The following ZBTB20 variants were observed in gnomAD, a reference collection of about 807,000 sequenced individuals.
ZBTB20 encodes the protein zinc finger and BTB domain containing 20, also known as zinc finger and BTB domain-containing protein 20.
ZBTB20 carries 9 observed loss-of-function variants against 56.9 expected under a neutral mutation model. The ratio of observed to expected loss-of-function variants is 0.16; its 90% CI spans 0.10 to 0.28. The LOEUF (loss-of-function observed/expected upper bound fraction) is 0.28, where lower values mean the gene tolerates loss of function less well. Among genes scored for constraint, ZBTB20 ranks in the 10% least tolerant of loss-of-function variants. The pLI is 1.00. For missense variants in ZBTB20, 655 were observed against 1,003.0 expected, an observed-to-expected ratio of 0.65 and a Z score of 4.69; for synonymous variants, 417 against 420.7, an observed-to-expected ratio of 0.99 and a Z score of 0.11.
intron 5 of ZBTB20, among the ~76,000 whole-genome samples, chr3:114,767,511 G>A (rs1400995560): frequency 3.3e-5 from 5 of 151,622 alleles, no homozygotes; most frequent in Non-Finnish European, 7.4e-5. Flanking sequence ...GAAAAAGGAA[G>A]AAGGAGAGAT....
At chr3:114,811,667 C>A (rs1253754110) in intron 4 of ZBTB20, among the ~76,000 whole-genome samples, 2 of 152,172 alleles carry the variant, frequency 1.3e-5, no homozygotes, top group African/African-American at 4.8e-5. Context: ...AAAGTATTCA[C>A]CAAACTTCAT....
rs1325812616 is a variant in ZBTB20 at position 114,325,821 on chromosome 3, C to T, written c.*13184G>A. The T allele has an allele frequency of 6.6e-6, 1 of 152,148 alleles. No homozygotes were observed. The highest frequency in any genetic ancestry group is 1.5e-5 in the Non-Finnish European group (1 of 68,024). 9.4% of individuals were successfully genotyped at this position (152,148 alleles called of 1,614,324 possible). ...AAACGTTGTCAGGCTATCTGTTAAT[C>T]GAGTTGAGTTGAAAACAGTATGCTT... On this transcript the variant is annotated 3_prime_UTR_variant, in exon 12 of 12. Transcript: ENST00000675478.
chr3:114,718,545 C>T lies in ZBTB20; in HGVS notation c.-342-24970G>A, dbSNP rs1380955421. Among the ~76,000 whole-genome samples, 8 of 152,152 alleles carry T rather than the reference C, an allele frequency of 5.3e-5. No individual in the cohort carries two copies. In the East Asian group the frequency reaches 5.8e-4, roughly 11 times the overall value. On this transcript the variant is annotated intron_variant, in intron 5 of 11. Coordinates refer to ENST00000675478, the MANE Select transcript of ZBTB20 (RefSeq NM_001348800.3). ...TCTAAGATACAACCACGCGCTGTGA[C>T]ATATAAAAAGGTCACTGACACGAGA...
chr3:115,027,797 T>C (rs1436383162), intron 2 of ZBTB20, among the ~76,000 whole-genome samples: 2 of 150,826 alleles, frequency 1.3e-5, no homozygotes, highest in Non-Finnish European at 3.0e-5. Context: ...TAAGAAAATA[T>C]ACATTTTCAA....
At chr3:114,546,661 T>C (rs1310482060) in intron 6 of ZBTB20, among the ~76,000 whole-genome samples, 1 of 151,936 alleles carries the variant, frequency 6.6e-6, no homozygotes, top group Non-Finnish European at 1.5e-5. Context: ...ACTGAAAAAG[T>C]TGCACGTGGA....
chr3:114,609,302 C>T (rs2057383399), intron 6 of ZBTB20, among the ~76,000 whole-genome samples: 1 of 152,158 alleles, frequency 6.6e-6, no homozygotes. Context: ...AAAGAATGGT[C>T]TATGCCATCT....
chr3:115,053,746 G>A (rs999437740), intron 2 of ZBTB20, among the ~76,000 whole-genome samples: 2 of 151,748 alleles, frequency 1.3e-5, no homozygotes, highest in African/African-American at 4.8e-5. Flanking sequence ...TATATTATCC[G>A]AATGCCCTAT....
At chr3:114,446,200 A>G (rs1219466142) in intron 7 of ZBTB20, among the ~76,000 whole-genome samples, 2 of 152,148 alleles carry the variant, frequency 1.3e-5, no homozygotes, top group African/African-American at 4.8e-5. Context: ...GGGCCACCTT[A>G]TAAAATATAT....
At chr3:114,586,783 C>T (rs2055211618) in intron 6 of ZBTB20, among the ~76,000 whole-genome samples, 1 of 152,100 alleles carries the variant, frequency 6.6e-6, no homozygotes, top group African/African-American at 2.4e-5. Context: ...TCATTTTAAC[C>T]TCCTGGGACG....
intron 6 of ZBTB20, among the ~76,000 whole-genome samples, chr3:114,683,271 T>TA (rs1578322888): frequency 6.6e-6 from 1 of 152,182 alleles, no homozygotes; most frequent in East Asian, 1.9e-4. Flanking sequence ...ATCCATGTCT[T>TA]AGACACTGAG....
intron 6 of ZBTB20, among the ~76,000 whole-genome samples, chr3:114,611,881 G>A (rs1381709271): frequency 2.0e-5 from 3 of 152,108 alleles, no homozygotes; most frequent in African/African-American, 4.8e-5. Flanking sequence ...AAGTGTTTCA[G>A]TTATTCAGCA....
In ZBTB20 at chr3:115,135,493, CT is replaced by C. The variant is rs571720200; in HGVS notation, c.-703+11725del. Among the ~76,000 whole-genome samples, 25 of 152,278 alleles carry C rather than the reference CT, an allele frequency of 1.6e-4. No individual in the cohort carries two copies. In the South Asian group the frequency reaches 4.6e-3, roughly 28 times the overall value. ...TGAAATACACTCCAGCTATTAATCA[CT>C]TTAAGTAAGCTTTAATGCAATCCCA... On this transcript the variant is annotated intron_variant, in intron 1 of 11. Transcript: ENST00000675478.
chr3:114,932,954 C>T (rs140378320), intron 3 of ZBTB20, among the ~76,000 whole-genome samples: 46 of 152,278 alleles, frequency 3.0e-4, no homozygotes, highest in Non-Finnish European at 5.7e-4. Flanking sequence ...GCAGCCTCTT[C>T]TTTTGCTTTC....
At chr3:114,675,078 ATAT>A (rs1256753580) in intron 6 of ZBTB20, among the ~76,000 whole-genome samples, 1 of 148,130 alleles carries the variant, frequency 6.8e-6, no homozygotes, top group Non-Finnish European at 1.5e-5. Flanking sequence ...TATATTATAT[ATAT>A]TATATATATA....
At chr3:114,523,200 A>G (rs759326351) in intron 6 of ZBTB20, among the ~76,000 whole-genome samples, 15 of 152,304 alleles carry the variant, frequency 9.8e-5, no homozygotes, top group Non-Finnish European at 1.9e-4. Context: ...GGCCATGTAA[A>G]ACAATTCTGA....
chr3:114,467,379 A>G (rs1045791332), intron 7 of ZBTB20, among the ~76,000 whole-genome samples: 2 of 152,208 alleles, frequency 1.3e-5, no homozygotes, highest in East Asian at 3.8e-4. Context: ...AGATAAAGGG[A>G]GGATGGATGA....
chr3:114,875,266 C>CTAAG (rs1386320305), intron 4 of ZBTB20, among the ~76,000 whole-genome samples: 1 of 152,136 alleles, frequency 6.6e-6, no homozygotes, highest in African/African-American at 2.4e-5. Context: ...ATAATAAGCA[C>CTAAG]TAAGTAATAT....
intron 6 of ZBTB20, among the ~76,000 whole-genome samples, chr3:114,660,789 T>G (rs1051865256): frequency 1.1e-4 from 16 of 152,086 alleles, no homozygotes; most frequent in African/African-American, 3.9e-4. Context: ...AATAGTACCC[T>G]CTTCTTACCT....
chr3:115,056,585 C>T lies in ZBTB20; in HGVS notation c.-507+14634G>A, dbSNP rs550506911. ...ATAGAATAATATGTATTATATGTTG[C>T]CATTTTTGTATTTTAAAAAGTGTCT... On this transcript the variant is annotated intron_variant, in intron 2 of 11. Coordinates refer to ENST00000675478, the MANE Select transcript of ZBTB20 (RefSeq NM_001348800.3). Among the ~76,000 whole-genome samples, 5 of 152,064 alleles carry T rather than the reference C, an allele frequency of 3.3e-5. No individual in the cohort carries two copies. In the East Asian group the frequency reaches 9.6e-4, roughly 29 times the overall value.
Sources: allele counts gnomAD v4.1 joint callset (sites outside exome capture counted in the v4.1 genomes callset), GRCh38; gene constraint gnomAD v4.1.1; transcripts MANE v1.5; gene names NCBI Gene and HGNC (gene_info 2026-07-23, HGNC 2026-07-21).